Variants in CMTM8 observed in about 807,000 individuals in gnomAD.
The protein encoded by CMTM8 is CKLF-like MARVEL transmembrane domain-containing protein 8.
A neutral mutation model predicts 18.6 loss-of-function variants in CMTM8; 12 were observed. The ratio of observed to expected loss-of-function variants is 0.65; its 90% CI spans 0.41 to 1.05. The LOEUF is 1.05. CMTM8 is among the 50% of genes least tolerant of loss of function. CMTM8 has a pLI of 0.00. For missense variants in CMTM8, 217 were observed against 227.2 expected (o/e 0.95, Z 0.29); for synonymous variants, 87 against 90.6 (o/e 0.96, Z 0.23).
intron 1 of CMTM8, among the ~76,000 whole-genome samples, chr3:32,299,449 A>T (rs1695569828): frequency 6.6e-6 from 1 of 152,176 alleles, no homozygotes; most frequent in East Asian, 1.9e-4. Flanking sequence ...AGGAAAATAT[A>T]ATCTGGTATT....
intron 1 of CMTM8, among the ~76,000 whole-genome samples, chr3:32,250,597 C>G (rs1702099952): frequency 6.6e-6 from 1 of 152,004 alleles, no homozygotes; most frequent in Admixed American, 6.6e-5. Context: ...ACATGTCTTG[C>G]CCTTCTTTTG....
At chr3:32,304,057 A>G (rs948254038) in intron 1 of CMTM8, among the ~76,000 whole-genome samples, 2 of 152,126 alleles carry the variant, frequency 1.3e-5, no homozygotes, top group Non-Finnish European at 2.9e-5. Flanking sequence ...TTTAGTTGCC[A>G]TGTTTCTTTA....
At chr3:32,350,523 A>AG (rs1246908192) in intron 1 of CMTM8, among the ~76,000 whole-genome samples, 1 of 55,212 alleles carries the variant, frequency 1.8e-5, no homozygotes, top group Admixed American at 2.3e-4. Flanking sequence ...AGGCCCAGCT[A>AG]ATTTTTTTTT....
intron 1 of CMTM8, among the ~76,000 whole-genome samples, chr3:32,356,899 C>G (rs1696825444): frequency 1.3e-5 from 2 of 152,160 alleles, no homozygotes; most frequent in Admixed American, 1.3e-4. Flanking sequence ...TGGAGAAGAC[C>G]TGGCAAAACC....
chr3:32,294,783 G>A (rs535663872), intron 1 of CMTM8, among the ~76,000 whole-genome samples: 6 of 152,188 alleles, frequency 3.9e-5, no homozygotes, highest in Admixed American at 2.0e-4. Flanking sequence ...GGCCAGATGC[G>A]GTGGCTCACA....
intron 1 of CMTM8, among the ~76,000 whole-genome samples, chr3:32,272,607 T>C (rs1296012555): frequency 1.3e-5 from 2 of 152,240 alleles, no homozygotes; most frequent in East Asian, 3.8e-4. Context: ...ATTTCAATTC[T>C]CTTACATTTC....
chr3:32,285,459 G>A (rs149505898), intron 1 of CMTM8, among the ~76,000 whole-genome samples: 33 of 151,254 alleles, frequency 2.2e-4, no homozygotes, highest in African/African-American at 6.8e-4. Flanking sequence ...GTTGTGGTGA[G>A]CCAAGATGAC....
chr3:32,270,745 A>G (rs1702427498), intron 1 of CMTM8, among the ~76,000 whole-genome samples: 1 of 152,168 alleles, frequency 6.6e-6, no homozygotes, highest in African/African-American at 2.4e-5. Flanking sequence ...GGGGAGGGAT[A>G]GCATTAGGAG....
At chr3:32,329,020 C>A (rs1236678160) in intron 1 of CMTM8, among the ~76,000 whole-genome samples, 2 of 152,140 alleles carry the variant, frequency 1.3e-5, no homozygotes, top group Admixed American at 6.6e-5. Context: ...GATAAAGATA[C>A]TGTAAGTAAA....
intron 1 of CMTM8, among the ~76,000 whole-genome samples, chr3:32,339,692 G>C (rs1243757096): frequency 6.6e-6 from 1 of 152,182 alleles, no homozygotes; most frequent in African/African-American, 2.4e-5. Flanking sequence ...GGCCGGGCGC[G>C]GTGGCTCATG....
intron 1 of CMTM8, among the ~76,000 whole-genome samples, chr3:32,243,452 CCCCAGGAGGTCGAGGTTGCAGTGAG>C: frequency 6.6e-6 from 1 of 151,364 alleles, no homozygotes; most frequent in Middle Eastern, 3.4e-3. Flanking sequence ...GATCATTTGA[CCCCAGGAGGTCGAGGTTGCAGTGAG>C]CTGGGATTGC....
At chr3:32,342,657 G>T (rs1054681858) in intron 1 of CMTM8, among the ~76,000 whole-genome samples, 100 of 152,324 alleles carry the variant, frequency 6.6e-4, no homozygotes, top group African/African-American at 2.3e-3. Context: ...CTCAAGCTCA[G>T]TCCATACATG....
Position 32,239,017 on chromosome 3 carries a change from C to A in CMTM8, c.45C>A (p.Thr15=), listed in dbSNP as rs772109744. 3 of 1,566,358 alleles carry A rather than the reference C, an allele frequency of 1.9e-6. No homozygotes were observed. The South Asian group carries it at 3.5e-5, about 18-fold the overall frequency. The part of the protein sequence containing the change: ...QRARSHTVTT[T]ASSFAENFST... ...CCCGCTCGCACACAGTCACCACCAC[C>A]GCCAGCTCCTTCGCAGAGAACTTCT... is the stretch of plus-strand genomic sequence containing the variant. The change falls in exon 1 of 4, where the codon ACC becomes ACA. Residue 15 remains threonine (T), a synonymous_variant. Coordinates refer to ENST00000307526, the MANE Select transcript of CMTM8 (RefSeq NM_178868.5).
At chr3:32,322,567 G>A (rs1696077763) in intron 1 of CMTM8, among the ~76,000 whole-genome samples, 1 of 152,158 alleles carries the variant, frequency 6.6e-6, no homozygotes, top group Non-Finnish European at 1.5e-5. Flanking sequence ...AGTGTTTCTA[G>A]GAATTGTTAG....
chr3:32,299,854 G>T (rs1011727638), intron 1 of CMTM8, among the ~76,000 whole-genome samples: 2 of 152,066 alleles, frequency 1.3e-5, no homozygotes, highest in African/African-American at 4.8e-5. Context: ...TAAATATTTT[G>T]GGCTTTGTAG....
intron 1 of CMTM8, among the ~76,000 whole-genome samples, chr3:32,270,456 A>T (rs1702420496): frequency 6.6e-6 from 1 of 152,202 alleles, no homozygotes; most frequent in South Asian, 2.1e-4. Flanking sequence ...AATAGCAAAG[A>T]CTTGGAACCA....
chr3:32,368,776 A>G (rs2125606976), intron 3 of CMTM8, among the ~76,000 whole-genome samples: 1 of 151,994 alleles, frequency 6.6e-6, no homozygotes, highest in East Asian at 1.9e-4. Flanking sequence ...TTTTTAATTT[A>G]TATACTTCTG....
intron 1 of CMTM8, among the ~76,000 whole-genome samples, chr3:32,319,419 C>T (rs1665278354): frequency 6.6e-6 from 1 of 151,852 alleles, no homozygotes; most frequent in African/African-American, 2.4e-5. Context: ...CTTCTCTCCT[C>T]CTCCTCCTCC....
chr3:32,319,553 T>G (rs1696003369), intron 1 of CMTM8, among the ~76,000 whole-genome samples: 1 of 152,190 alleles, frequency 6.6e-6, no homozygotes, highest in South Asian at 2.1e-4. Context: ...TCTTCACTTC[T>G]GTCACTTCAC....
Sources: gnomAD v4.1 joint callset for allele counts (sites outside exome capture counted in the v4.1 genomes callset) on GRCh38, gnomAD v4.1.1 for gene constraint, MANE v1.5 for transcripts, NCBI Gene and HGNC (gene_info 2026-07-23, HGNC 2026-07-21) for gene names.